The following ADAMTS20 variants were observed in gnomAD, a reference collection of about 807,000 sequenced individuals.
The protein encoded by ADAMTS20 is ADAM metallopeptidase with thrombospondin type 1 motif 20.
In ADAMTS20, 225 loss-of-function variants were observed where a neutral mutation model predicts 260.1. The ratio of observed to expected loss-of-function variants is 0.87; its 90% CI spans 0.78 to 0.97. The LOEUF (loss-of-function observed/expected upper bound fraction) is 0.97, where lower values mean the gene tolerates loss of function less well. Ranked by LOEUF, ADAMTS20 falls within the 50% of genes least tolerant of loss-of-function variation. ADAMTS20 has a pLI of 0.00. For missense variants in ADAMTS20, 2,400 were observed against 2,337.7 expected, an observed-to-expected ratio of 1.03 and a Z score of -0.55; for synonymous variants, 802 against 769.5, an observed-to-expected ratio of 1.04 and a Z score of -0.70.
intron 6 of ADAMTS20, among the ~76,000 whole-genome samples, chr12:43,491,247 A>T (rs369994434): frequency 9.9e-5 from 15 of 152,272 alleles, no homozygotes; most frequent in East Asian, 5.8e-4. Context: ...CATACTGTAC[A>T]GGTTTGTAGC....
chr12:43,431,498 T>C lies in ADAMTS20; in HGVS notation c.3097-2A>G, dbSNP rs754810071. 1 of 1,613,874 alleles carries C rather than the reference T, an allele frequency of 6.2e-7. No homozygotes were observed. Among genetic ancestry groups the C allele is most frequent in the Non-Finnish European group, 8.5e-7 (1 of 1,179,812 alleles). On this transcript the variant is annotated splice_acceptor_variant, in intron 21 of 38. Transcript: ENST00000389420. LOFTEE classifies it high-confidence loss of function. The stretch of plus-strand genomic sequence containing the variant: ...TCCTTTACCACATGTAACAAGGCAC[T>C]GTAAGAATAAAACTGATCATTATTT...
In ADAMTS20 at chr12:43,532,136, A is replaced by G; in HGVS notation, c.513T>C (p.Asp171=). The change falls in exon 3 of 39, where the codon GAT becomes GAC. Residue 171 remains aspartate, a synonymous_variant. Transcript: ENST00000389420. ...TGTGACCATCTTCATATTCATTCCC[A>G]TCTGCCTTCATTATAGGTTCTAAGA... ...EYFLEPIMKA[D]GNEYEDGHNK... is the part of the protein sequence containing the mutation. The G allele has an allele frequency of 1.2e-6, 2 of 1,612,406 alleles. No individual in the cohort carries two copies. The highest frequency in any genetic ancestry group is 1.7e-6 in the Non-Finnish European group (2 of 1,179,208).
chr12:43,470,329 C>A (rs973321473), intron 7 of ADAMTS20, among the ~76,000 whole-genome samples: 2 of 152,154 alleles, frequency 1.3e-5, no homozygotes, highest in Admixed American at 1.3e-4. Context: ...ATTATTGAGT[C>A]CATTACCAAC....
At chr12:43,365,324 G>A (rs77957580) in intron 37 of ADAMTS20, among the ~76,000 whole-genome samples, 1 of 151,946 alleles carries the variant, frequency 6.6e-6, no homozygotes, top group Admixed American at 6.6e-5. Context: ...AATCAAGAGT[G>A]CTGATAAAGT....
intron 28 of ADAMTS20, among the ~76,000 whole-genome samples, chr12:43,413,007 CA>C (rs1473710886): frequency 6.6e-6 from 1 of 151,824 alleles, no homozygotes; most frequent in Non-Finnish European, 1.5e-5. Flanking sequence ...GATGGGGTTT[CA>C]CCATGTTGGC....
intron 9 of ADAMTS20, 68 bp from the exon 10 acceptor site, chr12:43,464,800 A>G: frequency 6.7e-7 from 1 of 1,488,232 alleles, no homozygotes; most frequent in Middle Eastern, 1.8e-4. Context: ...ATTCTTTATC[A>G]CATTTTTTGT....
chr12:43,490,262 A>AACAAAC (rs1942581019), intron 7 of ADAMTS20, 133 bp downstream of exon 7: 3 of 491,712 alleles, frequency 6.1e-6, no homozygotes, highest in Non-Finnish European at 7.2e-6. Context: ...AATAAGTGAC[A>AACAAAC]AGTGTAATAA....
intron 4 of ADAMTS20, among the ~76,000 whole-genome samples, chr12:43,501,470 C>T (rs1264965698): frequency 1.0e-4 from 10 of 99,804 alleles, no homozygotes; most frequent in African/African-American, 3.0e-4. Context: ...TACGCGCGCG[C>T]GCGCGCGCGC....
chr12:43,506,126 C>A lies in ADAMTS20; in HGVS notation c.614-3721G>T, dbSNP rs1425511476. 2.1e-5 allele frequency among the ~76,000 whole-genome samples: 3 copies of A among 142,366 alleles called. No homozygotes were observed. In the East Asian group the frequency reaches 6.5e-4, roughly 31 times the overall value. 93.4% of individuals were successfully genotyped at this position (142,366 alleles called of 152,430 possible). On this transcript the variant is annotated intron_variant, in intron 3 of 38. Transcript: ENST00000389420. ...TAAGAATGAGATTCCACCTCTAAAACAAACAAACAAAAACAACAACAACAA... is the reference window on the plus strand; with the variant it reads ...TAAGAATGAGATTCCACCTCTAAAAAAAACAAACAAAAACAACAACAACAA...
At chr12:43,420,439 T>C (rs979703430) in intron 28 of ADAMTS20, among the ~76,000 whole-genome samples, 8 of 152,254 alleles carry the variant, frequency 5.3e-5, no homozygotes, top group Non-Finnish European at 8.8e-5. Flanking sequence ...AAATTTATTT[T>C]TAAAATATAT....
At position 43,365,478 on chromosome 12, in the gene ADAMTS20, G is replaced by C. The variant is rs74082607; in HGVS notation, c.5538+3812C>G. Among the ~76,000 whole-genome samples, 950 of 151,948 alleles carry C rather than the reference G, an allele frequency of 6.3e-3. 16 individuals carry two copies. The highest frequency in any genetic ancestry group is 0.02 in the Middle Eastern group (6 of 294). Reference sequence around the variant, plus strand: ...TAATATATAGACATGTAATATATTTGACAATAATGGCACAAATAAGACAGA... The same window carrying C: ...TAATATATAGACATGTAATATATTTCACAATAATGGCACAAATAAGACAGA... On this transcript the variant is annotated intron_variant, in intron 37 of 38. Coordinates refer to ENST00000389420, the MANE Select transcript of ADAMTS20 (RefSeq NM_025003.5).
chr12:43,470,743 G>A (rs1462712511), intron 7 of ADAMTS20, among the ~76,000 whole-genome samples: 1 of 152,118 alleles, frequency 6.6e-6, no homozygotes, highest in Non-Finnish European at 1.5e-5. Context: ...AAACGTAAAT[G>A]GAGATATAAC....
chr12:43,507,226 G>A (rs1338286957), intron 3 of ADAMTS20, among the ~76,000 whole-genome samples: 1 of 152,102 alleles, frequency 6.6e-6, no homozygotes, highest in Non-Finnish European at 1.5e-5. Flanking sequence ...AATATATACA[G>A]TTTTTATCAA....
intron 28 of ADAMTS20, among the ~76,000 whole-genome samples, chr12:43,400,176 A>G (rs1940781537): frequency 6.6e-6 from 1 of 152,020 alleles, no homozygotes; most frequent in Non-Finnish European, 1.5e-5. Context: ...CAGAGAGGAT[A>G]TTGACAATTT....
chr12:43,528,366 AAAAAAAAAC>A (rs1943173956), intron 3 of ADAMTS20, among the ~76,000 whole-genome samples: 1 of 148,452 alleles, frequency 6.7e-6, no homozygotes, highest in African/African-American at 2.5e-5. Flanking sequence ...AAAAAAAAAA[AAAAAAAAAC>A]ACAAATCCGG....
intron 7 of ADAMTS20, among the ~76,000 whole-genome samples, chr12:43,472,886 C>T (rs1233072298): frequency 6.8e-6 from 1 of 146,488 alleles, no homozygotes; most frequent in Non-Finnish European, 1.5e-5. Flanking sequence ...AAAATCATGC[C>T]AAAATGTAAA....
At chr12:43,549,383 C>A (rs1943482838) in intron 2 of ADAMTS20, among the ~76,000 whole-genome samples, 1 of 151,960 alleles carries the variant, frequency 6.6e-6, no homozygotes, top group Non-Finnish European at 1.5e-5. Flanking sequence ...AAATCTTTAA[C>A]TGCTTTCTGA....
rs138750182 is a variant in ADAMTS20 at position 43,376,634 on chromosome 12, A to G, written c.5015T>C (p.Ile1672Thr). ...TTTCACTTGTCTCTTCATTATCCCA[A>G]TTCCACAAGTCACTGAGCACTGTGA... Reference protein sequence around the residue: ...KWSKCSVTCGIGIMKRQVKCI... With the variant: ...KWSKCSVTCGTGIMKRQVKCI... The change falls in exon 33 of 39, where the codon ATT becomes ACT. Residue 1672 changes from isoleucine (I) to threonine (T), a missense_variant. By Grantham distance (89) the Ile-to-Thr change is moderately conservative. Coordinates refer to ENST00000389420, the MANE Select transcript of ADAMTS20 (RefSeq NM_025003.5). 464 of 1,612,568 alleles carry G rather than the reference A, an allele frequency of 2.9e-4. 1 individual carries two copies. Among genetic ancestry groups the G allele is most frequent in the Non-Finnish European group, 3.7e-4 (434 of 1,179,462 alleles).
intron 2 of ADAMTS20, among the ~76,000 whole-genome samples, chr12:43,538,020 T>C (rs776183613): frequency 2.0e-5 from 3 of 152,212 alleles, no homozygotes; most frequent in Non-Finnish European, 2.9e-5. Flanking sequence ...TTCCTTTCAT[T>C]TGGGTGTATA....
Sources: allele counts gnomAD v4.1 joint callset (sites outside exome capture counted in the v4.1 genomes callset), GRCh38; gene constraint gnomAD v4.1.1; transcripts MANE v1.5; gene names NCBI Gene and HGNC (gene_info 2026-07-23, HGNC 2026-07-21).